The following TXNDC5 variants were observed in gnomAD, a reference collection of about 807,000 sequenced individuals.
TXNDC5 encodes thioredoxin domain containing 5.
In TXNDC5, 44 loss-of-function variants were observed where a neutral mutation model predicts 52.6. The observed-to-expected ratio is 0.84, with a 90% CI of 0.66 to 1.08. The LOEUF is 1.08. TXNDC5 is among the 50% of genes least tolerant of loss of function. The probability of loss-of-function intolerance (pLI) is 0.00; values close to 1 mark genes in which losing one functional copy is unlikely to be tolerated. For synonymous variants in TXNDC5, 241 were observed against 234.4 expected, an observed-to-expected ratio of 1.03 and a Z score of -0.26; for missense variants, 600 against 565.5, an observed-to-expected ratio of 1.06 and a Z score of -0.62.
rs138364696 is a variant in TXNDC5, at chr6:7,904,609, G to C, written c.378C>G (p.Asp126Glu). 6.2e-7 allele frequency: 1 copy of C among 1,614,208 alleles called. No individual in the cohort carries two copies. The highest frequency in any genetic ancestry group is 8.5e-7 in the Non-Finnish European group (1 of 1,180,042). The part of the protein sequence containing the change: ...VAKVDCTAHS[D>E]VCSAQGVRGY... ...CTCGCACCCCCTGGGCGGAGCACAC[G>C]TCGGAGTGGGCCGTGCAGTCCACTT... The change falls in exon 2 of 10, where the codon GAC becomes GAG. Residue 126 changes from aspartate (D) to glutamate (E), a missense_variant. Coordinates refer to ENST00000379757, the MANE Select transcript of TXNDC5 (RefSeq NM_030810.5).
intron 3 of TXNDC5, among the ~76,000 whole-genome samples, chr6:7,896,559 AG>A (rs1370766719): frequency 6.6e-6 from 1 of 152,252 alleles, no homozygotes; most frequent in South Asian, 2.1e-4. Context: ...AAAGCTGTGC[AG>A]GGCTGGAATC....
At chr6:7,891,513 T>A in intron 5 of TXNDC5, 108 bp downstream of exon 5, 1 of 784,566 alleles carries the variant, frequency 1.3e-6, no homozygotes, top group East Asian at 2.8e-5. Context: ...TAAATGGAAT[T>A]AATAAATCAA....
chr6:7,906,818 T>C (rs1214116074), intron 1 of TXNDC5, among the ~76,000 whole-genome samples: 3 of 151,400 alleles, frequency 2.0e-5, no homozygotes, highest in Admixed American at 1.3e-4. Context: ...AGCTGGGAGA[T>C]GTGAGGTTTT....
Position 7,891,039 on chromosome 6 carries a change from G to A in TXNDC5, c.732+582C>T, listed in dbSNP as rs142388786. Among the ~76,000 whole-genome samples, 4 of 152,328 alleles carry A rather than the reference G, an allele frequency of 2.6e-5. No homozygotes were observed. The East Asian group carries it at 7.7e-4, about 29-fold the overall frequency. On this transcript the variant is annotated intron_variant, in intron 5 of 9. Coordinates refer to ENST00000379757, the MANE Select transcript of TXNDC5 (RefSeq NM_030810.5). ...GAGATTTTTAAGAAAGGAAATCTATGCATGGTGTCTGGTGGGTGCTGGAAA... is the reference window on the plus strand; with the variant it reads ...GAGATTTTTAAGAAAGGAAATCTATACATGGTGTCTGGTGGGTGCTGGAAA...
chr6:7,885,927 G>A, intron 8 of TXNDC5, 34 bp downstream of exon 8: 2 of 1,605,610 alleles, frequency 1.2e-6, no homozygotes, highest in Non-Finnish European at 1.7e-6. Context: ...TAGTACACAT[G>A]GACAAAGTAG....
chr6:7,883,300 G>A (rs1283154282), intron 9 of TXNDC5, 34 bp from the exon 10 acceptor site: 3 of 1,613,446 alleles, frequency 1.9e-6, no homozygotes, highest in South Asian at 2.2e-5. Context: ...TTGCAAACCA[G>A]CGGTCCAGAT....
At chr6:7,896,518 T>C (rs1003726383) in intron 3 of TXNDC5, among the ~76,000 whole-genome samples, 1 of 152,204 alleles carries the variant, frequency 6.6e-6, no homozygotes, top group Non-Finnish European at 1.5e-5. Context: ...CCAAGCTAAG[T>C]TGTTAAAGGC....
In TXNDC5 at chr6:7,883,173, C is replaced by A. The variant is rs1360204785; in HGVS notation, c.1270G>T (p.Val424Phe). The change falls in exon 10 of 10, where the codon GTC (valine) becomes TTC (phenylalanine). Residue 424 changes from valine to phenylalanine, a missense_variant. Coordinates refer to ENST00000379757, the MANE Select transcript of TXNDC5 (RefSeq NM_030810.5). ...AGTTCGTCTTTCGCTTGGCTCAGGA[C>A]AAAGCGGTGTAACGAGTCAAGGTCT... ...GRDLDSLHRF[V>F]LSQAKDEL 2 of 1,614,208 alleles carry A rather than the reference C, an allele frequency of 1.2e-6. No homozygotes were observed. Among genetic ancestry groups the A allele is most frequent in the Admixed American group, 3.3e-5 (2 of 60,018 alleles).
chr6:7,904,325 C>T (rs182755743), intron 2 of TXNDC5, among the ~76,000 whole-genome samples: 82 of 152,152 alleles, frequency 5.4e-4, no homozygotes, highest in African/African-American at 1.5e-3. Flanking sequence ...TCTAGCATGG[C>T]GGGACCGTCA....
chr6:7,888,642 G>C (rs1040796852), intron 7 of TXNDC5, 63 bp downstream of exon 7: 2 of 1,549,246 alleles, frequency 1.3e-6, no homozygotes, highest in Non-Finnish European at 1.7e-6. Context: ...TCTGAGGGTG[G>C]GGAGGTGGGG....
At chr6:7,890,328 A>G (rs1234131964) in intron 5 of TXNDC5, among the ~76,000 whole-genome samples, 1 of 152,114 alleles carries the variant, frequency 6.6e-6, no homozygotes, top group Non-Finnish European at 1.5e-5. Flanking sequence ...TTCAACACCT[A>G]AGACCCGTCA....
At chr6:7,904,452 C>T in intron 2 of TXNDC5, 122 bp downstream of exon 2, 2 of 1,300,978 alleles carry the variant, frequency 1.5e-6, no homozygotes, top group South Asian at 1.5e-5. Flanking sequence ...CAGTTTCTCC[C>T]TAATGACAGG....
intron 1 of TXNDC5, among the ~76,000 whole-genome samples, chr6:7,908,281 C>CAAAAAAAAAAAAA (rs57783770): frequency 2.5e-4 from 16 of 62,750 alleles, no homozygotes; most frequent in Middle Eastern, 0.011. Context: ...GACTCCATCT[C>CAAAAAAAAAAAAA]AAAAAAAAAA....
chr6:7,888,435 G>C (rs910594364), intron 7 of TXNDC5, among the ~76,000 whole-genome samples: 2 of 152,202 alleles, frequency 1.3e-5, no homozygotes, highest in Non-Finnish European at 2.9e-5. Context: ...ATTCTCTAGA[G>C]ATTTTTGACA....
chr6:7,896,280 GC>G (rs1323112795), intron 3 of TXNDC5, among the ~76,000 whole-genome samples: 2 of 152,164 alleles, frequency 1.3e-5, no homozygotes, highest in Non-Finnish European at 2.9e-5. Context: ...GGGGAAAGGG[GC>G]TTTTCAAAAG....
At position 7,886,107 on chromosome 6, in the gene TXNDC5, G is replaced by A. The variant is rs1246382106; in HGVS notation, c.964-64C>T. 24 of 1,430,128 alleles carry A rather than the reference G, an allele frequency of 1.7e-5. 1 individual carries two copies. Among genetic ancestry groups the A allele is most frequent in the Non-Finnish European group, 2.1e-5 (22 of 1,026,038 alleles). The allele number at this position is 1,430,128 out of a possible 1,614,324, so 88.6% of individuals were successfully genotyped here. On this transcript the variant is annotated intron_variant, in intron 7 of 9. Coordinates refer to ENST00000379757, the MANE Select transcript of TXNDC5 (RefSeq NM_030810.5). ...TTAAAGTTGAGCAGGGCCATGCTTT[G>A]GGATTGCAGATACACGAATCAGTAA... is the stretch of plus-strand genomic sequence containing the variant.
At chr6:7,886,095 G>A (rs756620168) in intron 7 of TXNDC5, 52 bp from the exon 8 acceptor site, 1 of 1,535,192 alleles carries the variant, frequency 6.5e-7, no homozygotes, top group East Asian at 2.3e-5. Context: ...AAGTTGAGCA[G>A]GGCCATGCTT....
At chr6:7,891,090 C>G (rs1171721509) in intron 5 of TXNDC5, among the ~76,000 whole-genome samples, 2 of 152,192 alleles carry the variant, frequency 1.3e-5, no homozygotes, top group East Asian at 3.8e-4. Context: ...AGTGATGTCC[C>G]TGGAGCTACA....
At chr6:7,894,303 T>C (rs1026549944) in intron 4 of TXNDC5, among the ~76,000 whole-genome samples, 1 of 152,026 alleles carries the variant, frequency 6.6e-6, no homozygotes, top group Admixed American at 6.5e-5. Flanking sequence ...AGACAAGGTC[T>C]TGCTTAGGCT....
Sources: gnomAD v4.1 joint callset for allele counts (sites outside exome capture counted in the v4.1 genomes callset) on GRCh38, gnomAD v4.1.1 for gene constraint, MANE v1.5 for transcripts, NCBI Gene and HGNC (gene_info 2026-07-23, HGNC 2026-07-21) for gene names.